DHRSX: variants seen among roughly 807,000 people sequenced by gnomAD.
DHRSX encodes the protein polyprenol dehydrogenase.
In DHRSX, 31 loss-of-function variants were observed where a neutral mutation model predicts 34.0. That is an observed-to-expected ratio of 0.91 (90% CI 0.69 to 1.23). The LOEUF (loss-of-function observed/expected upper bound fraction) is 1.23. Ranked by LOEUF, DHRSX falls within the 50% of genes most tolerant of loss-of-function variation. The pLI, the probability that DHRSX is intolerant of heterozygous loss-of-function variation, is 0.00. For missense variants in DHRSX, 414 were observed against 428.1 expected, an observed-to-expected ratio of 0.97 and a Z score of 0.29; for synonymous variants, 201 against 183.8, an observed-to-expected ratio of 1.09 and a Z score of -0.76.
intron 1 of DHRSX, among the ~76,000 whole-genome samples, chrX:2,463,171 C>G (rs1405863770): frequency 2.0e-5 from 3 of 152,106 alleles, no homozygotes; most frequent in Non-Finnish European, 4.4e-5. Flanking sequence ...TATAAATTAC[C>G]CAACTGAAGG....
At chrX:2,429,220 T>C (rs1475775148) in intron 1 of DHRSX, among the ~76,000 whole-genome samples, 1 of 152,118 alleles carries the variant, frequency 6.6e-6, no homozygotes, top group Non-Finnish European at 1.5e-5. Context: ...ATGTTCTTAA[T>C]TTACTAAGTT....
Position 2,266,826 on chromosome X carries a change from C to G in DHRSX, c.510G>C (p.Gly170=). 6.2e-7 allele frequency: 1 copy of G among 1,613,922 alleles called. No homozygotes were observed. The highest frequency in any genetic ancestry group is 8.5e-7 in the Non-Finnish European group (1 of 1,179,866). The change falls in exon 5 of 7, where the codon GGG becomes GGC. Residue 170 remains glycine, a synonymous_variant. Coordinates refer to ENST00000334651, the MANE Select transcript of DHRSX (RefSeq NM_145177.3). The part of the protein sequence containing the change: ...NLLLDTLKES[G]SPGHSARVVT... ...CCACCCTCGCACTGTGGCCAGGGGA[C>G]CCAGACTCTTTCAGCGTATCCAAGA... is the stretch of plus-strand genomic sequence containing the variant.
At chrX:2,318,137 C>G (rs916031864) in intron 3 of DHRSX, among the ~76,000 whole-genome samples, 30 of 145,618 alleles carry the variant, frequency 2.1e-4, no homozygotes, top group Non-Finnish European at 3.4e-4. Flanking sequence ...TTGAGCCTAG[C>G]AGTTCGAGAC....
At chrX:2,365,919 T>C (rs937661459) in intron 3 of DHRSX, among the ~76,000 whole-genome samples, 3 of 152,094 alleles carry the variant, frequency 2.0e-5, no homozygotes, top group Non-Finnish European at 2.9e-5. Context: ...ACATATGAAC[T>C]AGTTCTAGGA....
chrX:2,361,331 T>C (rs2042931846), intron 3 of DHRSX, among the ~76,000 whole-genome samples: 1 of 152,080 alleles, frequency 6.6e-6, no homozygotes, highest in Non-Finnish European at 1.5e-5. Flanking sequence ...AGTCTCAAAC[T>C]CCTGACTTCG....
intron 2 of DHRSX, among the ~76,000 whole-genome samples, chrX:2,409,372 C>G (rs1311332466): frequency 1.3e-5 from 2 of 152,052 alleles, no homozygotes; most frequent in Non-Finnish European, 2.9e-5. Flanking sequence ...TTTGCTGCAC[C>G]CATCAACCCA....
chrX:2,467,700 C>T (rs756053841), intron 1 of DHRSX, among the ~76,000 whole-genome samples: 66 of 152,220 alleles, frequency 4.3e-4, no homozygotes, highest in African/African-American at 1.3e-3. Flanking sequence ...TGCAGCCGGA[C>T]GTGGTGGCTC....
intron 3 of DHRSX, among the ~76,000 whole-genome samples, chrX:2,345,969 C>G (rs1222404890): frequency 2.6e-5 from 4 of 152,144 alleles, no homozygotes; most frequent in South Asian, 2.1e-4. Flanking sequence ...TTCTATTTCT[C>G]TGCAGTATCT....
rs149972297 is a variant in DHRSX, at chrX:2,251,746, C to T, written c.597-8516G>A. 3.2e-3 allele frequency among the ~76,000 whole-genome samples: 483 copies of T among 152,256 alleles called. 1 individual carries two copies. Among genetic ancestry groups the T allele is most frequent in the African/African-American group, 0.011 (467 of 41,558 alleles). On this transcript the variant is annotated intron_variant, in intron 5 of 6. Transcript: ENST00000334651. ...TGGGGAACAAGCATTTCAAACAGAC[C>T]TGAGGTTTACCCGATTTCTGCTGGA...
intron 3 of DHRSX, among the ~76,000 whole-genome samples, chrX:2,397,603 AG>A (rs1238121696): frequency 2.7e-5 from 4 of 150,938 alleles, no homozygotes; most frequent in Non-Finnish European, 4.4e-5. Context: ...ACAGCCAGGC[AG>A]GGTAGAGATA....
chrX:2,431,114 A>G (rs958051354), intron 1 of DHRSX, among the ~76,000 whole-genome samples: 30 of 151,218 alleles, frequency 2.0e-4, no homozygotes, highest in Non-Finnish European at 3.5e-4. Context: ...TCACGAGGTC[A>G]GGAGATCGAC....
Position 2,221,055 on chromosome X carries a change from C to A in DHRSX, c.979G>T (p.Asp327Tyr), listed in dbSNP as rs759866804. Residue 327 changes from aspartate to tyrosine, a missense_variant, in exon 7 of 7, where the codon GAT (aspartate) becomes TAT (tyrosine). Coordinates refer to ENST00000334651, the MANE Select transcript of DHRSX (RefSeq NM_145177.3). The stretch of plus-strand genomic sequence containing the variant: ...GAGACAGGATATCACAGGGTCACAT[C>A]AAGGACCCCAGTCATCTCACAACTC... ...SKSCEMTGVL[D>Y]VTL 2.1e-4 allele frequency: 343 copies of A among 1,613,842 alleles called. 3 individuals carry two copies. The South Asian group carries it at 3.7e-3, about 17-fold the overall frequency.
intron 3 of DHRSX, among the ~76,000 whole-genome samples, chrX:2,354,165 C>T (rs185207045): frequency 0.019 from 2,825 of 152,220 alleles, 99 homozygotes; most frequent in African/African-American, 0.064. Flanking sequence ...CCCAATGGAG[C>T]GGAGCTCTAG....
chrX:2,301,711 T>C (rs2042012649), intron 3 of DHRSX, among the ~76,000 whole-genome samples: 1 of 152,052 alleles, frequency 6.6e-6, no homozygotes, highest in South Asian at 2.1e-4. Context: ...CGATCTCGGC[T>C]CACTGCAACC....
intron 1 of DHRSX, among the ~76,000 whole-genome samples, chrX:2,483,123 T>G (rs1329457673): frequency 1.3e-5 from 2 of 152,152 alleles, no homozygotes; most frequent in African/African-American, 4.8e-5. Flanking sequence ...TCTCACTCTT[T>G]TGCCCAGGCT....
At position 2,290,151 on chromosome X, in the gene DHRSX, C is replaced by T. The variant is rs192103535; in HGVS notation, c.388+1351G>A. On this transcript the variant is annotated intron_variant, in intron 4 of 6. Coordinates refer to ENST00000334651, the MANE Select transcript of DHRSX (RefSeq NM_145177.3). ...TCACACTCTATGTATAGTTTTATATCCCATGCTTCTCCTTTAAACTCTAGC... is the reference window on the plus strand; with the variant it reads ...TCACACTCTATGTATAGTTTTATATTCCATGCTTCTCCTTTAAACTCTAGC... Among the ~76,000 whole-genome samples, 252 of 152,226 alleles carry T rather than the reference C, an allele frequency of 1.7e-3. 1 individual carries two copies. The highest frequency in any genetic ancestry group is 5.8e-3 in the African/African-American group (240 of 41,538).
At chrX:2,246,565 G>A (rs1357705851) in intron 5 of DHRSX, among the ~76,000 whole-genome samples, 1 of 151,700 alleles carries the variant, frequency 6.6e-6, no homozygotes, top group East Asian at 1.9e-4. Context: ...GGAGGTTGCA[G>A]TGACACGAGA....
rs2044266578 is a variant in DHRSX, at chrX:2,454,294, A to T, written c.110-28990T>A. Reference sequence around the variant, plus strand: ...GTCATCCCAGCACTTTGGGAGGCTGAGGCGGGTGGATCACCTGAGGTCAGG... The same window carrying T: ...GTCATCCCAGCACTTTGGGAGGCTGTGGCGGGTGGATCACCTGAGGTCAGG... On this transcript the variant is annotated intron_variant, in intron 1 of 6. Coordinates refer to ENST00000334651, the MANE Select transcript of DHRSX (RefSeq NM_145177.3). Among the ~76,000 whole-genome samples the T allele has an allele frequency of 4.6e-5, 7 of 152,220 alleles. No homozygotes were observed. The South Asian group carries it at 1.4e-3, about 32-fold the overall frequency.
In DHRSX at chrX:2,432,155, G is replaced by C. The variant is rs769988491; in HGVS notation, c.110-6851C>G. ...CTTGCAGTGAGCTGAGATCACGCCA[G>C]TGCACTCCAGCCAGGGCGACAGAGC... On this transcript the variant is annotated intron_variant, in intron 1 of 6. Coordinates refer to ENST00000334651, the MANE Select transcript of DHRSX (RefSeq NM_145177.3). Among the ~76,000 whole-genome samples, 157 of 151,966 alleles carry C rather than the reference G, an allele frequency of 1.0e-3. 1 individual carries two copies. In the East Asian group the frequency reaches 0.018, roughly 17 times the overall value.
Sources: allele counts gnomAD v4.1 joint callset (sites outside exome capture counted in the v4.1 genomes callset), GRCh38; gene constraint gnomAD v4.1.1; transcripts MANE v1.5; gene names NCBI Gene and HGNC (gene_info 2026-07-23, HGNC 2026-07-21).